Variants in PIGK observed in about 807,000 individuals in gnomAD.
PIGK encodes phosphatidylinositol glycan anchor biosynthesis class K.
Under a neutral mutation model 50.6 loss-of-function variants are expected in PIGK, and 42 were observed. That is an observed-to-expected ratio of 0.83 (90% CI 0.65 to 1.07). The LOEUF (loss-of-function observed/expected upper bound fraction) is 1.07. Ranked by LOEUF, PIGK falls within the 50% of genes least tolerant of loss-of-function variation. The pLI is 0.00. For missense variants in PIGK, 448 were observed against 488.7 expected, an observed-to-expected ratio of 0.92 and a Z score of 0.78; for synonymous variants, 151 against 156.0, an observed-to-expected ratio of 0.97 and a Z score of 0.24.
chr1:77,208,188 T>G (rs910153447), intron 2 of PIGK, among the ~76,000 whole-genome samples: 1 of 152,106 alleles, frequency 6.6e-6, no homozygotes, highest in Admixed American at 6.6e-5. Context: ...ATCACACCAC[T>G]GCACTCCAGC....
intron 3 of PIGK, among the ~76,000 whole-genome samples, chr1:77,191,591 T>C (rs1655905470): frequency 6.6e-6 from 1 of 152,248 alleles, no homozygotes; most frequent in African/African-American, 2.4e-5. Flanking sequence ...GATACATTTC[T>C]AGCGTCAAAT....
rs768478533 is a variant in PIGK, at chr1:77,161,420, A to G, written c.703-15T>C. 4.2e-5 allele frequency: 56 copies of G among 1,329,662 alleles called. No homozygotes were observed. Among genetic ancestry groups the G allele is most frequent in the Non-Finnish European group, 5.6e-5 (52 of 923,764 alleles). 82.4% of individuals were successfully genotyped at this position (1,329,662 alleles called of 1,614,324 possible). On this transcript the variant is annotated splice_polypyrimidine_tract_variant and intron_variant, in intron 7 of 10. Transcript: ENST00000370812. The stretch of plus-strand genomic sequence containing the variant: ...TCAGGTTGATGCTATGGAAAGGGGG[A>G]AAAAAAGTATTTCTAACAGTATCAT...
intron 3 of PIGK, among the ~76,000 whole-genome samples, chr1:77,179,987 A>G (rs1184107157): frequency 1.3e-5 from 2 of 152,156 alleles, no homozygotes; most frequent in South Asian, 4.1e-4. Context: ...TTAAATCTGC[A>G]CTGAATAAGC....
intron 3 of PIGK, among the ~76,000 whole-genome samples, chr1:77,183,151 AT>A: frequency 6.6e-6 from 1 of 152,300 alleles, no homozygotes; most frequent in East Asian, 1.9e-4. Context: ...CTAGGCGTCT[AT>A]TGTTAAACTG....
chr1:77,215,946 G>A (rs925933275), intron 1 of PIGK, among the ~76,000 whole-genome samples: 11 of 152,074 alleles, frequency 7.2e-5, no homozygotes, highest in African/African-American at 2.2e-4. Flanking sequence ...GGAAGGTGAC[G>A]GGGGGAGTAC....
rs117758925 is a variant in PIGK, at chr1:77,154,707, T to A, written c.814-86A>T. The A allele has an allele frequency of 7.4e-4, 651 of 879,596 alleles. 7 individuals carry two copies. The East Asian group carries it at 0.011, about 15-fold the overall frequency. 54.5% of individuals were successfully genotyped at this position (879,596 alleles called of 1,614,324 possible). A position where few individuals can be genotyped will look rare whatever the true frequency, so the allele number is the denominator to read the frequency against. ...AATCACATAATTCACTAAACTATAG[T>A]GTATTTTTAAAACTCTCCCAACCTA... On this transcript the variant is annotated intron_variant, in intron 8 of 10. Coordinates refer to ENST00000370812, the MANE Select transcript of PIGK (RefSeq NM_005482.3).
At chr1:77,103,549 A>T (rs1378455182) in intron 10 of PIGK, among the ~76,000 whole-genome samples, 1 of 152,210 alleles carries the variant, frequency 6.6e-6, no homozygotes, top group Non-Finnish European at 1.5e-5. Context: ...GACAATTTGC[A>T]CCAGTTTTCT....
chr1:77,144,775 C>G (rs1267440985), intron 9 of PIGK, among the ~76,000 whole-genome samples: 1 of 151,780 alleles, frequency 6.6e-6, no homozygotes, highest in Non-Finnish European at 1.5e-5. Flanking sequence ...TATCCATATG[C>G]AAAATGACAA....
chr1:77,196,170 T>C (rs1442635463), intron 3 of PIGK, among the ~76,000 whole-genome samples: 4 of 152,230 alleles, frequency 2.6e-5, no homozygotes, highest in Admixed American at 2.0e-4. Context: ...TTGTTCTTTT[T>C]ATGGCTGCAT....
chr1:77,110,521 A>G (rs1653813425), intron 10 of PIGK, among the ~76,000 whole-genome samples: 1 of 152,224 alleles, frequency 6.6e-6, no homozygotes, highest in Non-Finnish European at 1.5e-5. Flanking sequence ...AGGATTCCCT[A>G]TTTAATAAAT....
intron 9 of PIGK, among the ~76,000 whole-genome samples, chr1:77,136,465 C>T (rs2100539532): frequency 7.3e-6 from 1 of 137,674 alleles, no homozygotes; most frequent in Admixed American, 8.1e-5. Flanking sequence ...GGAGGCGGAG[C>T]TTGCAGTGAG....
chr1:77,156,655 G>A (rs1356388957), intron 8 of PIGK, among the ~76,000 whole-genome samples: 7 of 152,040 alleles, frequency 4.6e-5, no homozygotes, highest in Middle Eastern at 3.2e-3. Flanking sequence ...ATGTGTCTGC[G>A]GGTATTTTAT....
chr1:77,112,659 T>C (rs1228346171), intron 10 of PIGK, among the ~76,000 whole-genome samples: 1 of 152,142 alleles, frequency 6.6e-6, no homozygotes, highest in Non-Finnish European at 1.5e-5. Context: ...AAAAACAGGA[T>C]GCATTGGGCA....
chr1:77,150,261 T>C (rs1654865379), intron 9 of PIGK, among the ~76,000 whole-genome samples: 1 of 152,064 alleles, frequency 6.6e-6, no homozygotes, highest in African/African-American at 2.4e-5. Context: ...CTTACACTTG[T>C]AACCCCAGCA....
At chr1:77,114,295 T>C (rs1653916567) in intron 10 of PIGK, among the ~76,000 whole-genome samples, 1 of 152,138 alleles carries the variant, frequency 6.6e-6, no homozygotes, top group Non-Finnish European at 1.5e-5. Context: ...TGAACCTCAG[T>C]TAATTCATGT....
At chr1:77,125,844 T>A (rs1457697261) in intron 9 of PIGK, among the ~76,000 whole-genome samples, 1 of 152,180 alleles carries the variant, frequency 6.6e-6, no homozygotes, top group African/African-American at 2.4e-5. Flanking sequence ...GGTGTTGAAC[T>A]AAATATATGG....
chr1:77,195,159 G>A, intron 3 of PIGK: 1 of 1,237,748 alleles, frequency 8.1e-7, no homozygotes, highest in East Asian at 2.6e-5. Context: ...TTGCCAATGA[G>A]ATTGGGTCAG....
chr1:77,166,978 T>A (rs906603654), intron 4 of PIGK, 148 bp from the exon 5 acceptor site: 1 of 574,288 alleles, frequency 1.7e-6, no homozygotes, highest in Admixed American at 3.6e-5. Context: ...ATTATATAAC[T>A]CAATTAAAAT....
intron 9 of PIGK, among the ~76,000 whole-genome samples, chr1:77,132,078 TTTAC>T (rs1469722234): frequency 3.3e-5 from 5 of 152,032 alleles, no homozygotes; most frequent in African/African-American, 9.6e-5. Flanking sequence ...ATTTATTTCT[TTTAC>T]TTACTTTCTT....
Sources: allele counts gnomAD v4.1 joint callset (sites outside exome capture counted in the v4.1 genomes callset), GRCh38; gene constraint gnomAD v4.1.1; transcripts MANE v1.5; gene names NCBI Gene and HGNC (gene_info 2026-07-23, HGNC 2026-07-21).